CHST1: variants seen among roughly 807,000 people sequenced by gnomAD.
CHST1 encodes Keratan sulfotransferase.
CHST1 carries 10 observed loss-of-function variants against 22.5 expected under a neutral mutation model. That is an observed-to-expected ratio of 0.44 (90% CI 0.27 to 0.75). The LOEUF is 0.75. Among genes scored for constraint, CHST1 ranks in the 30% least tolerant of loss-of-function variants. The probability of loss-of-function intolerance (pLI) is 0.15; values close to 1 mark genes in which losing one functional copy is unlikely to be tolerated. For synonymous variants in CHST1, 267 were observed against 264.5 expected (o/e 1.01, Z -0.09); for missense variants, 439 against 576.1 (o/e 0.76, Z 2.44).
rs558350317 is a variant in CHST1 at position 45,648,793 on chromosome 11, G to C, written c.*895C>G. On this transcript the variant is annotated 3_prime_UTR_variant, in exon 4 of 4. Transcript: ENST00000308064. ...TAATTCCCACCTCCACCTCTCTCTC[G>C]CTGTCCTCCCCAAAGCTAGGAACAC... The C allele has an allele frequency of 6.6e-6, 1 of 152,300 alleles. No homozygotes were observed. Among genetic ancestry groups the C allele is most frequent in the South Asian group, 2.1e-4 (1 of 4,816 alleles). The allele number at this position is 152,300 out of a possible 1,614,324, so 9.4% of individuals were successfully genotyped here.
rs1435835718 is a variant in CHST1 at position 45,648,214 on chromosome 11, C to G, written c.*1474G>C. Among the ~76,000 whole-genome samples, 1 of 152,162 alleles carries G rather than the reference C, an allele frequency of 6.6e-6. No homozygotes were observed. Among genetic ancestry groups the G allele is most frequent in the Non-Finnish European group, 1.5e-5 (1 of 68,028 alleles). On this transcript the variant is annotated 3_prime_UTR_variant, in exon 4 of 4. Coordinates refer to ENST00000308064, the MANE Select transcript of CHST1 (RefSeq NM_003654.6). ...ACCCCACCCCTTGAAGTTTCCCCCT[C>G]CCTGGCTATCCTAGACCCAGACCCA...
chr11:45,663,808 AC>A (rs1852164003), intron 1 of CHST1, among the ~76,000 whole-genome samples: 1 of 152,064 alleles, frequency 6.6e-6, no homozygotes, highest in Non-Finnish European at 1.5e-5. Context: ...GGGCAAATCC[AC>A]CCATTCCTTT....
intron 1 of CHST1, among the ~76,000 whole-genome samples, chr11:45,660,977 C>T (rs185942702): frequency 5.3e-5 from 8 of 152,308 alleles, no homozygotes; most frequent in Admixed American, 2.0e-4. Flanking sequence ...ATTTAGAAAA[C>T]GCGGGAACCC....
Position 45,649,935 on chromosome 11 carries a change from C to A in CHST1, c.989G>T (p.Arg330Leu). 3 of 1,613,050 alleles carry A rather than the reference C, an allele frequency of 1.9e-6. No homozygotes were observed. The highest frequency in any genetic ancestry group is 2.5e-6 in the Non-Finnish European group (3 of 1,180,022). ...LGIPLDSHVARWIQNNTRGDP... is the reference protein window; with the variant it reads ...LGIPLDSHVALWIQNNTRGDP... Reference sequence around the variant, plus strand: ...GCCCCGCGTGTTGTTCTGGATCCAGCGGGCCACGTGGCTGTCCAGCGGGAT... The same window carrying A: ...GCCCCGCGTGTTGTTCTGGATCCAGAGGGCCACGTGGCTGTCCAGCGGGAT... Residue 330 changes from arginine to leucine, a missense_variant, in exon 4 of 4, where the codon CGC becomes CTC. Arg to Leu is a moderately radical substitution (Grantham distance 102). Transcript: ENST00000308064.
chr11:45,658,807 G>A (rs999795768), intron 1 of CHST1, among the ~76,000 whole-genome samples: 9 of 152,250 alleles, frequency 5.9e-5, no homozygotes, highest in South Asian at 4.1e-4. Context: ...CCGCCCCACC[G>A]AGAAGCCACA....
chr11:45,651,324 C>G (rs1851996734), intron 3 of CHST1: 1 of 166,086 alleles, frequency 6.0e-6, no homozygotes, highest in African/African-American at 2.4e-5. Flanking sequence ...ACTGCCCCTC[C>G]TCACTGCCAG....
chr11:45,649,668 C>T lies in CHST1; in HGVS notation c.*20G>A. On this transcript the variant is annotated 3_prime_UTR_variant, in exon 4 of 4. Coordinates refer to ENST00000308064, the MANE Select transcript of CHST1 (RefSeq NM_003654.6). ...AAAACCGACACCTTGCGCCTCCCGC[C>T]CCCACCCGCACCGCCCGGGTCACGA... is the stretch of plus-strand genomic sequence containing the variant. 2.0e-6 allele frequency: 3 copies of T among 1,524,838 alleles called. No homozygotes were observed. Among genetic ancestry groups the T allele is most frequent in the Non-Finnish European group, 2.6e-6 (3 of 1,143,860 alleles). 94.5% of individuals were successfully genotyped at this position (1,524,838 alleles called of 1,614,324 possible).
At chr11:45,655,380 C>T (rs1852049842) in intron 1 of CHST1, among the ~76,000 whole-genome samples, 1 of 152,270 alleles carries the variant, frequency 6.6e-6, no homozygotes, top group African/African-American at 2.4e-5. Flanking sequence ...AGCTCCTCTC[C>T]CGGCCTGGGA....
intron 1 of CHST1, among the ~76,000 whole-genome samples, chr11:45,663,822 C>T (rs1852164269): frequency 6.6e-6 from 1 of 152,180 alleles, no homozygotes; most frequent in South Asian, 2.1e-4. Flanking sequence ...ATTCCTTTCC[C>T]CAGCAGCTCC....
chr11:45,665,329 C>G lies in CHST1; in HGVS notation c.-378G>C, dbSNP rs1172929167. Reference sequence around the variant, plus strand: ...TCCCGCGCCCTCCTCCTCGGCCTCCCTCCTCCCTCCTCTTCCTCCGACTCC... The same window carrying G: ...TCCCGCGCCCTCCTCCTCGGCCTCCGTCCTCCCTCCTCTTCCTCCGACTCC... On this transcript the variant is annotated 5_prime_UTR_variant, in exon 1 of 4. Coordinates refer to ENST00000308064, the MANE Select transcript of CHST1 (RefSeq NM_003654.6). The surrounding 1 kb of genome is among the most constrained non-coding windows in gnomAD (Gnocchi z 4.0). 6.6e-6 allele frequency: 1 copy of G among 151,978 alleles called. No homozygotes were observed. The highest frequency in any genetic ancestry group is 1.9e-4 in the East Asian group (1 of 5,138). 9.4% of individuals were successfully genotyped at this position (151,978 alleles called of 1,614,324 possible).
chr11:45,662,347 C>A (rs1451363949), intron 1 of CHST1, among the ~76,000 whole-genome samples: 1 of 152,224 alleles, frequency 6.6e-6, no homozygotes, highest in Non-Finnish European at 1.5e-5. Context: ...GATTTACTCC[C>A]ACAAGGCTCC....
rs962142875 is a variant in CHST1, at chr11:45,649,286, C to CTT, written c.*400_*401dup. On this transcript the variant is annotated 3_prime_UTR_variant, in exon 4 of 4. Coordinates refer to ENST00000308064, the MANE Select transcript of CHST1 (RefSeq NM_003654.6). ...GGTCCTCTTGTTTGTATCCTCTTAC[C>CTT]TTGAATAGTAAGACAGTGCAAAAAC... 1.1e-5 allele frequency: 2 copies of CTT among 187,578 alleles called. No individual in the cohort carries two copies. Among genetic ancestry groups the CTT allele is most frequent in the African/African-American group, 4.7e-5 (2 of 42,718 alleles). The allele number at this position is 187,578 out of a possible 1,614,324, so 11.6% of individuals were successfully genotyped here. A position where few individuals can be genotyped will look rare whatever the true frequency, so the allele number is the denominator to read the frequency against.
intron 1 of CHST1, among the ~76,000 whole-genome samples, chr11:45,660,542 G>A (rs576701433): frequency 2.0e-5 from 3 of 152,292 alleles, no homozygotes; most frequent in Non-Finnish European, 4.4e-5. Context: ...TCAGGTGAAG[G>A]GAGGTCACAC....
rs752316686 is a variant in CHST1 at position 45,649,899 on chromosome 11, A to T, written c.1025T>A (p.Leu342Gln). ...CACGGTGCCGTATTTGTGCTTGCCC[A>T]GGGTGGGGTCGCCCCGCGTGTTGTT... ...IQNNTRGDPT[L>Q]GKHKYGTVRN... Residue 342 changes from leucine to glutamine, a missense_variant, in exon 4 of 4, where the codon CTG (leucine) becomes CAG (glutamine). Leu to Gln is a moderately radical substitution (Grantham distance 113). Transcript: ENST00000308064. 6.2e-7 allele frequency: 1 copy of T among 1,611,924 alleles called. No individual in the cohort carries two copies.
rs997772821 is a variant in CHST1, at chr11:45,652,621, G to GA, written c.-226-16dup. The GA allele has an allele frequency of 7.3e-4, 111 of 152,334 alleles. No homozygotes were observed. Among genetic ancestry groups the GA allele is most frequent in the African/African-American group, 2.5e-3 (104 of 41,568 alleles). 9.4% of individuals were successfully genotyped at this position (152,334 alleles called of 1,614,324 possible). On this transcript the variant is annotated splice_polypyrimidine_tract_variant and intron_variant, in intron 1 of 3. Transcript: ENST00000308064. ...ACACCAGCTACCTGAAACTCAAAGC[G>GA]AAAGTGGACCAGGGAGCATTCCTGA...
chr11:45,664,920 G>A (rs907961355), intron 1 of CHST1, among the ~76,000 whole-genome samples: 1 of 152,166 alleles, frequency 6.6e-6, no homozygotes, highest in East Asian at 1.9e-4. Context: ...GCCACCGCGC[G>A]TCTCAAGTTT....
In CHST1 at chr11:45,650,945, T is replaced by A; in HGVS notation, c.-22A>T. Reference sequence around the variant, plus strand: ...GCATGGCTGGGCACCTTCATGGGGCTGCTTCTCCAAGGGGTGAGGTCTGTG... The same window carrying A: ...GCATGGCTGGGCACCTTCATGGGGCAGCTTCTCCAAGGGGTGAGGTCTGTG... On this transcript the variant is annotated 5_prime_UTR_variant, in exon 4 of 4. Transcript: ENST00000308064. The A allele has an allele frequency of 6.6e-7, 1 of 1,519,192 alleles. No homozygotes were observed. Among genetic ancestry groups the A allele is most frequent in the Non-Finnish European group, 8.8e-7 (1 of 1,135,148 alleles). 94.1% of individuals were successfully genotyped at this position (1,519,192 alleles called of 1,614,324 possible). A position where few individuals can be genotyped will look rare whatever the true frequency, so the allele number is the denominator to read the frequency against.
rs373748067 is a variant in CHST1, at chr11:45,650,459, C to G, written c.465G>C (p.Gly155=). The G allele has an allele frequency of 3.2e-5, 51 of 1,612,208 alleles. No homozygotes were observed. Among genetic ancestry groups the G allele is most frequent in the Non-Finnish European group, 4.2e-5 (50 of 1,179,874 alleles). The change falls in exon 4 of 4, where the codon GGG becomes GGC. Residue 155 remains glycine, a synonymous_variant. Coordinates refer to ENST00000308064, the MANE Select transcript of CHST1 (RefSeq NM_003654.6). ...NHTTDRIFRR[G]ASRVLCSRPV... is the part of the protein sequence containing the mutation. ...GCCGGGAGCAGAGGACCCGGCTGGC[C>G]CCGCGGCGGAAGATCCTGTCGGTGG...
rs772658247 is a variant in CHST1, at chr11:45,648,986, T to A, written c.*702A>T. The A allele has an allele frequency of 6.6e-6, 1 of 151,076 alleles. No homozygotes were observed. The highest frequency in any genetic ancestry group is 2.4e-5 in the African/African-American group (1 of 40,832). The allele number at this position is 151,076 out of a possible 1,614,324, so 9.4% of individuals were successfully genotyped here. The stretch of plus-strand genomic sequence containing the variant: ...TTTTTCTTTTTGGCACAAAGAAATA[T>A]CACAGATGGACCCCGAGATCAATCA... On this transcript the variant is annotated 3_prime_UTR_variant, in exon 4 of 4. Transcript: ENST00000308064.
Sources: allele counts gnomAD v4.1 joint callset (sites outside exome capture counted in the v4.1 genomes callset), GRCh38; gene constraint gnomAD v4.1.1; non-coding constraint Gnocchi (gnomAD v3.1); transcripts MANE v1.5; gene names NCBI Gene and HGNC (gene_info 2026-07-23, HGNC 2026-07-21).